The following BMPER variants were observed in gnomAD, a reference collection of about 807,000 sequenced individuals.
The protein encoded by BMPER is BMP-binding endothelial regulator protein.
BMPER carries 45 observed loss-of-function variants against 87.3 expected under a neutral mutation model. The observed-to-expected ratio is 0.52, with a 90% CI of 0.41 to 0.66. The LOEUF is 0.66. Among genes scored for constraint, BMPER ranks in the 30% least tolerant of loss-of-function variants. BMPER has a pLI of 0.00. For missense variants in BMPER, 784 were observed against 867.5 expected (o/e 0.90, Z 1.21); for synonymous variants, 326 against 316.2 (o/e 1.03, Z -0.33).
intron 11 of BMPER, among the ~76,000 whole-genome samples, chr7:34,074,981 G>A (rs967844755): frequency 6.6e-6 from 1 of 151,922 alleles, no homozygotes; most frequent in African/African-American, 2.4e-5. Context: ...TTTGGGGGGA[G>A]TAGGATTAGA....
At chr7:33,953,503 G>C (rs1585673216) in intron 3 of BMPER, among the ~76,000 whole-genome samples, 2 of 152,212 alleles carry the variant, frequency 1.3e-5, no homozygotes, top group Admixed American at 1.3e-4. Context: ...AGATTAGTGG[G>C]TCCTGAACCT....
chr7:33,974,859 G>T, intron 6 of BMPER, 75 bp downstream of exon 6: 2 of 1,385,254 alleles, frequency 1.4e-6, no homozygotes, highest in Non-Finnish European at 2.1e-6. Context: ...AGCACCCCCG[G>T]TCTCTACAGC....
chr7:33,941,276 G>C (rs1012994365), intron 3 of BMPER, among the ~76,000 whole-genome samples: 43 of 145,856 alleles, frequency 2.9e-4, no homozygotes, highest in African/African-American at 1.1e-3. Flanking sequence ...AATACACAAT[G>C]GGGTCTCCTT....
intron 6 of BMPER, among the ~76,000 whole-genome samples, chr7:34,041,241 G>A (rs1787824513): frequency 6.6e-6 from 1 of 152,128 alleles, no homozygotes; most frequent in South Asian, 2.1e-4. Context: ...CTCTGCTGTA[G>A]GGGTGACAAA....
chr7:33,929,001 G>T (rs1406044591), intron 2 of BMPER, among the ~76,000 whole-genome samples: 3 of 152,126 alleles, frequency 2.0e-5, no homozygotes, highest in East Asian at 3.9e-4. Flanking sequence ...GTTTTGTGTT[G>T]CAGAGAAGTG....
In BMPER at chr7:33,989,704, G is replaced by A. The variant is rs926882941; in HGVS notation, c.576+14920G>A. On this transcript the variant is annotated intron_variant, in intron 6 of 14. Transcript: ENST00000649409. Reference sequence around the variant, plus strand: ...AAGTCCTTGCCCATGCCTGTGTCCTGAATGGTAATGCCTAGGTTTTCTTCT... The same window carrying A: ...AAGTCCTTGCCCATGCCTGTGTCCTAAATGGTAATGCCTAGGTTTTCTTCT... 2.8e-4 allele frequency among the ~76,000 whole-genome samples: 42 copies of A among 152,188 alleles called. 1 individual carries two copies. The highest frequency in any genetic ancestry group is 2.7e-3 in the Admixed American group (42 of 15,278).
chr7:33,936,537 T>C, intron 2 of BMPER, among the ~76,000 whole-genome samples: 1 of 152,234 alleles, frequency 6.6e-6, no homozygotes, highest in East Asian at 1.9e-4. Flanking sequence ...TCACATTTTG[T>C]TGAATTTTTT....
In BMPER at chr7:34,151,299, C is replaced by T. The variant is rs147741573; in HGVS notation, c.1877-1793C>T. On this transcript the variant is annotated intron_variant, in intron 14 of 14. Transcript: ENST00000649409. ...TTATTGCTGGCTTTCATATCTAATG[C>T]TCGCCAAGTGCCAGAAAATGTGTGT... Among the ~76,000 whole-genome samples, 1,435 of 152,258 alleles carry T rather than the reference C, an allele frequency of 9.4e-3. 19 individuals are homozygous for T. The highest frequency in any genetic ancestry group is 0.032 in the African/African-American group (1,330 of 41,540).
Position 34,015,028 on chromosome 7 carries a change from T to C in BMPER, c.577-31278T>C, listed in dbSNP as rs576741421. ...CTGAATATTGAATACTCTTGTGATTTCATAATAAAGAGTCTCTCATTTCAT... is the reference window on the plus strand; with the variant it reads ...CTGAATATTGAATACTCTTGTGATTCCATAATAAAGAGTCTCTCATTTCAT... On this transcript the variant is annotated intron_variant, in intron 6 of 14. Transcript: ENST00000649409. 6.0e-4 allele frequency among the ~76,000 whole-genome samples: 91 copies of C among 151,988 alleles called. 1 individual carries two copies. The highest frequency in any genetic ancestry group is 1.2e-3 in the Non-Finnish European group (81 of 67,926).
chr7:33,964,976 A>G (rs1028878659), intron 3 of BMPER, among the ~76,000 whole-genome samples: 1 of 152,164 alleles, frequency 6.6e-6, no homozygotes, highest in Non-Finnish European at 1.5e-5. Flanking sequence ...AGTCTGTGTT[A>G]GTGGATCAGA....
At chr7:34,017,514 T>G (rs1199041846) in intron 6 of BMPER, among the ~76,000 whole-genome samples, 1 of 151,912 alleles carries the variant, frequency 6.6e-6, no homozygotes, top group Non-Finnish European at 1.5e-5. Flanking sequence ...CCCTCATGAT[T>G]CAATTACCTA....
intron 6 of BMPER, among the ~76,000 whole-genome samples, chr7:34,016,144 T>A (rs138415666): frequency 3.3e-5 from 5 of 151,926 alleles, no homozygotes; most frequent in Admixed American, 6.6e-5. Context: ...TTGGGTGGCA[T>A]TTATCATTTA....
intron 9 of BMPER, among the ~76,000 whole-genome samples, chr7:34,056,280 A>C (rs542280214): frequency 5.9e-5 from 9 of 152,174 alleles, no homozygotes; most frequent in Non-Finnish European, 1.3e-4. Context: ...AGGATGGCTA[A>C]TGCATGCTGG....
At position 33,999,791 on chromosome 7, in the gene BMPER, G is replaced by A. The variant is rs532009519; in HGVS notation, c.576+25007G>A. On this transcript the variant is annotated intron_variant, in intron 6 of 14. Coordinates refer to ENST00000649409, the MANE Select transcript of BMPER (RefSeq NM_001365308.1). ...GGAATGATGACAAGGCTTAAAGGAG[G>A]GCAGGGAGGCCATAGAGAGCACATC... Among the ~76,000 whole-genome samples the A allele has an allele frequency of 3.3e-5, 5 of 152,300 alleles. No individual in the cohort carries two copies. In the East Asian group the frequency reaches 9.7e-4, roughly 29 times the overall value.
intron 6 of BMPER, among the ~76,000 whole-genome samples, chr7:33,993,597 C>T (rs982088632): frequency 5.9e-5 from 9 of 151,970 alleles, no homozygotes; most frequent in Admixed American, 5.2e-4. Context: ...ATTTGATCGT[C>T]TGAAGCCTTC....
intron 13 of BMPER, among the ~76,000 whole-genome samples, chr7:34,103,758 G>A (rs1371696358): frequency 6.6e-6 from 1 of 152,180 alleles, no homozygotes; most frequent in Admixed American, 6.5e-5. Flanking sequence ...ATGTTTACAG[G>A]TTTGAAGAGC....
At chr7:33,949,839 A>G (rs998941237) in intron 3 of BMPER, among the ~76,000 whole-genome samples, 3 of 152,232 alleles carry the variant, frequency 2.0e-5, no homozygotes, top group African/African-American at 7.2e-5. Context: ...CTAACCAAAA[A>G]AAGATGTATA....
chr7:34,024,375 A>AC (rs1787285989), intron 6 of BMPER, among the ~76,000 whole-genome samples: 3 of 93,534 alleles, frequency 3.2e-5, no homozygotes, highest in Non-Finnish European at 5.8e-5. Flanking sequence ...AAAAAAAAAA[A>AC]AAAAAAACAA....
intron 7 of BMPER, among the ~76,000 whole-genome samples, chr7:34,047,353 G>A (rs1021770897): frequency 6.6e-5 from 10 of 151,624 alleles, no homozygotes; most frequent in Admixed American, 2.0e-4. Flanking sequence ...ATCTTGGCTC[G>A]CTGCAACCTC....
Sources: allele counts gnomAD v4.1 joint callset (sites outside exome capture counted in the v4.1 genomes callset), GRCh38; gene constraint gnomAD v4.1.1; transcripts MANE v1.5; gene names NCBI Gene and HGNC (gene_info 2026-07-23, HGNC 2026-07-21).